Variants in ROBO2 observed in about 807,000 individuals in gnomAD.
ROBO2 encodes the protein roundabout homolog 2.
Under a neutral mutation model 160.8 loss-of-function variants are expected in ROBO2, and 53 were observed. The ratio of observed to expected loss-of-function variants is 0.33; its 90% CI spans 0.26 to 0.41. The LOEUF (loss-of-function observed/expected upper bound fraction) is 0.41, where lower values mean the gene tolerates loss of function less well. ROBO2 is among the 10% of genes least tolerant of loss of function. The probability of loss-of-function intolerance (pLI) is 1.00; values close to 1 mark genes in which losing one functional copy is unlikely to be tolerated. For missense variants in ROBO2, 1,577 were observed against 1,722.4 expected, an observed-to-expected ratio of 0.92 and a Z score of 1.49; for synonymous variants, 664 against 611.7, an observed-to-expected ratio of 1.09 and a Z score of -1.26.
Position 76,448,334 on chromosome 3 carries a change from A to G in ROBO2, c.109+510732A>G, listed in dbSNP as rs554549307. Among the ~76,000 whole-genome samples, 3 of 152,220 alleles carry G rather than the reference A, an allele frequency of 2.0e-5. No homozygotes were observed. In the East Asian group the frequency reaches 5.8e-4, roughly 30 times the overall value. On this transcript the variant is annotated intron_variant, in intron 2 of 26. Transcript: ENST00000487694. ...ATGTAGAAATCTGATATATCTTGCAACTGATAATGTGTTTTAATACGAGGA... is the reference window on the plus strand; with the variant it reads ...ATGTAGAAATCTGATATATCTTGCAGCTGATAATGTGTTTTAATACGAGGA...
chr3:76,451,416 A>AT (rs1023022746), intron 2 of ROBO2, among the ~76,000 whole-genome samples: 11 of 152,136 alleles, frequency 7.2e-5, no homozygotes, highest in Non-Finnish European at 1.3e-4. Context: ...TTCCTAGAAA[A>AT]TCTTATCATA....
chr3:77,273,273 A>G (rs2059618785), intron 2 of ROBO2, among the ~76,000 whole-genome samples: 1 of 152,156 alleles, frequency 6.6e-6, no homozygotes, highest in Admixed American at 6.5e-5. Flanking sequence ...AGCAACATAG[A>G]TGTGCTGCAG....
chr3:77,474,476 T>C (rs1484398883), intron 2 of ROBO2, among the ~76,000 whole-genome samples: 1 of 152,184 alleles, frequency 6.6e-6, no homozygotes, highest in Non-Finnish European at 1.5e-5. Flanking sequence ...ATATCCTTTT[T>C]CTTTAAAACA....
intron 2 of ROBO2, among the ~76,000 whole-genome samples, chr3:75,974,754 A>T (rs2065090995): frequency 1.3e-5 from 2 of 151,384 alleles, no homozygotes; most frequent in South Asian, 4.1e-4. Flanking sequence ...GTAAATTTCC[A>T]TATTGCACAA....
intron 2 of ROBO2, among the ~76,000 whole-genome samples, chr3:77,207,962 C>T (rs932076054): frequency 6.6e-6 from 1 of 152,138 alleles, no homozygotes; most frequent in East Asian, 1.9e-4. Context: ...GTGATGGATT[C>T]GCTCCCACTG....
chr3:77,554,268 A>C (rs569869302), intron 8 of ROBO2, among the ~76,000 whole-genome samples: 16 of 152,084 alleles, frequency 1.1e-4, no homozygotes, highest in African/African-American at 3.9e-4. Context: ...GCAGAAAAAA[A>C]AATTCCTTTC....
chr3:77,634,804 T>C (rs1398342248), intron 23 of ROBO2, 66 bp from the exon 25 acceptor site: 1 of 1,482,648 alleles, frequency 6.7e-7, no homozygotes, highest in Non-Finnish European at 9.4e-7. Flanking sequence ...AGTGCAGAAA[T>C]ATAGGACAGA....
At chr3:77,432,183 T>C (rs2078841311) in intron 2 of ROBO2, among the ~76,000 whole-genome samples, 1 of 152,178 alleles carries the variant, frequency 6.6e-6, no homozygotes, top group African/African-American at 2.4e-5. Flanking sequence ...GAGAGGATTA[T>C]AAAAGTCATT....
intron 5 of ROBO2, among the ~76,000 whole-genome samples, chr3:77,501,063 G>C (rs368725600): frequency 6.6e-6 from 1 of 152,212 alleles, no homozygotes; most frequent in Non-Finnish European, 1.5e-5. Flanking sequence ...TGCCATGTGC[G>C]TAATGTCCAA....
chr3:76,914,814 A>G (rs2076209451), intron 2 of ROBO2, among the ~76,000 whole-genome samples: 1 of 152,220 alleles, frequency 6.6e-6, no homozygotes, highest in African/African-American at 2.4e-5. Flanking sequence ...ACATGTTGGA[A>G]GAAGGGAAAA....
intron 2 of ROBO2, among the ~76,000 whole-genome samples, chr3:76,774,863 TA>T (rs1367511482): frequency 2.7e-5 from 4 of 150,372 alleles, no homozygotes; most frequent in African/African-American, 9.7e-5. Context: ...TTTCATCTAT[TA>T]TGGGTCACTT....
At chr3:77,264,478 T>C (rs576337385) in intron 2 of ROBO2, among the ~76,000 whole-genome samples, 1 of 152,310 alleles carries the variant, frequency 6.6e-6, no homozygotes, top group South Asian at 2.1e-4. Context: ...GTAATTTTCA[T>C]CCAAATTTAT....
In ROBO2 at chr3:76,781,844, C is replaced by T. The variant is rs118028717; in HGVS notation, c.110-316170C>T. 1.7e-4 allele frequency among the ~76,000 whole-genome samples: 26 copies of T among 150,534 alleles called. No individual in the cohort carries two copies. In the East Asian group the frequency reaches 2.2e-3, roughly 13 times the overall value. The stretch of plus-strand genomic sequence containing the variant: ...TGTACTTTTCTTGTAATGTTCTTGC[C>T]CGGCTTTGGTATCAGGGTAATTCTG... On this transcript the variant is annotated intron_variant, in intron 2 of 26. Transcript: ENST00000487694.
intron 2 of ROBO2, among the ~76,000 whole-genome samples, chr3:76,030,494 T>C (rs2107704971): frequency 6.6e-6 from 1 of 152,286 alleles, no homozygotes; most frequent in East Asian, 1.9e-4. Context: ...GTTTTTATGG[T>C]TTTAGGTCTA....
chr3:77,293,251 G>C (rs530880550), intron 2 of ROBO2, among the ~76,000 whole-genome samples: 8 of 151,360 alleles, frequency 5.3e-5, no homozygotes, highest in South Asian at 2.1e-4. Context: ...AAGTAAAATT[G>C]ACGGTTATAC....
chr3:75,953,014 C>T (rs1049073263), intron 2 of ROBO2, among the ~76,000 whole-genome samples: 4 of 151,846 alleles, frequency 2.6e-5, no homozygotes, highest in African/African-American at 9.7e-5. Context: ...GTTTATTTTT[C>T]CATTCACTTC....
chr3:77,257,409 G>C (rs2058490137), intron 2 of ROBO2, among the ~76,000 whole-genome samples: 1 of 152,186 alleles, frequency 6.6e-6, no homozygotes, highest in African/African-American at 2.4e-5. Context: ...GTGGGGACCT[G>C]GCAAAGTTTA....
intron 2 of ROBO2, among the ~76,000 whole-genome samples, chr3:76,552,994 T>C (rs572637039): frequency 2.6e-4 from 40 of 152,292 alleles, no homozygotes; most frequent in African/African-American, 9.6e-4. Context: ...CCAGACGCCC[T>C]GAATAGCAAG....
intron 2 of ROBO2, among the ~76,000 whole-genome samples, chr3:76,290,286 C>G (rs1464519208): frequency 6.6e-6 from 1 of 151,926 alleles, no homozygotes; most frequent in Non-Finnish European, 1.5e-5. Context: ...GTATTTTATT[C>G]TTTTTGTGGC....
Sources: allele counts gnomAD v4.1 joint callset (sites outside exome capture counted in the v4.1 genomes callset), GRCh38; gene constraint gnomAD v4.1.1; transcripts MANE v1.5; gene names NCBI Gene and HGNC (gene_info 2026-07-23, HGNC 2026-07-21).